The following RAP1A variants were observed in gnomAD, a reference collection of about 807,000 sequenced individuals.
RAP1A encodes RAP1A, member of RAS oncogene family, also known as ras-related protein Rap-1A.
RAP1A carries 6 observed loss-of-function variants against 26.4 expected under a neutral mutation model. That is an observed-to-expected ratio of 0.23 (90% CI 0.12 to 0.45). RAP1A has a LOEUF of 0.45. Ranked by LOEUF, RAP1A falls within the 20% of genes least tolerant of loss-of-function variation. The pLI is 0.99. For synonymous variants in RAP1A, 73 were observed against 79.4 expected, an observed-to-expected ratio of 0.92 and a Z score of 0.43; for missense variants, 121 against 217.2, an observed-to-expected ratio of 0.56 and a Z score of 2.78.
intron 1 of RAP1A, among the ~76,000 whole-genome samples, chr1:111,639,756 G>T (rs1240029202): frequency 6.6e-6 from 1 of 152,150 alleles, no homozygotes; most frequent in Non-Finnish European, 1.5e-5. Flanking sequence ...CAGGACTGTT[G>T]TCTGACACTA....
At position 111,543,849 on chromosome 1, in the gene RAP1A, A is replaced by G. The variant is rs1469702915; in HGVS notation, c.-28+1340A>G. 4.6e-5 allele frequency among the ~76,000 whole-genome samples: 7 copies of G among 152,246 alleles called. No individual in the cohort carries two copies. In the East Asian group the frequency reaches 9.7e-4, roughly 21 times the overall value. ...CAGGGTGGGCCATTTTGAAGTTGGT[A>G]AGGGTTTATTTTAAAGGATTGGGCC... On this transcript the variant is annotated intron_variant, in intron 1 of 7. Transcript: ENST00000356415.
chr1:111,633,797 G>GT (rs969461222), intron 1 of RAP1A, among the ~76,000 whole-genome samples: 3 of 152,212 alleles, frequency 2.0e-5, no homozygotes, highest in Non-Finnish European at 4.4e-5. Flanking sequence ...AAAATCTGCA[G>GT]TAGAAACCAT....
chr1:111,615,933 A>G (rs990147964), upstream of RAP1A, among the ~76,000 whole-genome samples: 4 of 152,194 alleles, frequency 2.6e-5, no homozygotes, highest in African/African-American at 9.7e-5. Context: ...GCAGATAAAG[A>G]ACATTTCCAT....
At chr1:111,585,000 G>A (rs1458580833) in intron 1 of RAP1A, among the ~76,000 whole-genome samples, 2 of 152,126 alleles carry the variant, frequency 1.3e-5, no homozygotes. Flanking sequence ...CTAATATTAG[G>A]AGCCGCAGAT....
At chr1:111,639,565 A>G (rs893381740) in intron 1 of RAP1A, among the ~76,000 whole-genome samples, 1 of 103,580 alleles carries the variant, frequency 9.7e-6, no homozygotes, top group Admixed American at 9.6e-5. Flanking sequence ...TACATTATGA[A>G]CTTTTTTTTT....
At chr1:111,574,623 T>G (rs1292841633) in intron 1 of RAP1A, among the ~76,000 whole-genome samples, 1 of 152,244 alleles carries the variant, frequency 6.6e-6, no homozygotes, top group Non-Finnish European at 1.5e-5. Context: ...GTGTTATGTC[T>G]GATTTCTTTG....
intron 4 of RAP1A, among the ~76,000 whole-genome samples, chr1:111,701,289 T>C (rs1325878927): frequency 6.6e-6 from 1 of 152,192 alleles, no homozygotes; most frequent in African/African-American, 2.4e-5. Context: ...GCATTTGCTC[T>C]TTCCTGTGCT....
chr1:111,582,744 A>C (rs1356059304), intron 1 of RAP1A, among the ~76,000 whole-genome samples: 1 of 152,206 alleles, frequency 6.6e-6, no homozygotes, highest in African/African-American at 2.4e-5. Context: ...AAAAAATTAA[A>C]AGTACTCAGT....
intron 1 of RAP1A, among the ~76,000 whole-genome samples, chr1:111,600,499 T>C (rs1462316135): frequency 6.6e-6 from 1 of 152,258 alleles, no homozygotes; most frequent in African/African-American, 2.4e-5. Flanking sequence ...GCAGCAAGGC[T>C]GTTTGTCTTC....
chr1:111,543,208 T>G (rs1656908323), intron 1 of RAP1A, among the ~76,000 whole-genome samples: 1 of 152,184 alleles, frequency 6.6e-6, no homozygotes, highest in African/African-American at 2.4e-5. Context: ...TTTTCACTGA[T>G]GAAAGATCAA....
At chr1:111,636,995 C>T (rs554996852) in intron 1 of RAP1A, among the ~76,000 whole-genome samples, 3 of 152,144 alleles carry the variant, frequency 2.0e-5, no homozygotes, top group Admixed American at 6.5e-5. Flanking sequence ...TCCGGTATAC[C>T]TCATAACCTT....
chr1:111,593,076 G>GT (rs2101067270), intron 1 of RAP1A, among the ~76,000 whole-genome samples: 1 of 152,240 alleles, frequency 6.6e-6, no homozygotes, highest in Non-Finnish European at 1.5e-5. Flanking sequence ...GAGCAGCTGA[G>GT]TGGGTGGAGG....
At chr1:111,711,367 GT>G (rs1662380605) in intron 7 of RAP1A, among the ~76,000 whole-genome samples, 2 of 152,114 alleles carry the variant, frequency 1.3e-5, no homozygotes, top group South Asian at 4.1e-4. Flanking sequence ...TTTAGCTTAT[GT>G]TAAAGGAAAA....
At chr1:111,670,880 G>T (rs996086971) in intron 1 of RAP1A, among the ~76,000 whole-genome samples, 1 of 152,190 alleles carries the variant, frequency 6.6e-6, no homozygotes, top group African/African-American at 2.4e-5. Flanking sequence ...AAGACGACTT[G>T]TCAAACTTGC....
At chr1:111,568,301 C>G (rs188222650) in intron 1 of RAP1A, among the ~76,000 whole-genome samples, 1 of 152,162 alleles carries the variant, frequency 6.6e-6, no homozygotes, top group Non-Finnish European at 1.5e-5. Flanking sequence ...TCTAGTGAGG[C>G]CTCAGGGAGC....
chr1:111,713,761 G>T lies in RAP1A; in HGVS notation c.*1360G>T, dbSNP rs140420279. Reference sequence around the variant, plus strand: ...CCCAGTTATTTTCCTCTTTACAAAAGATAGGGCTTAAGTAAGACATGGACC... The same window carrying T: ...CCCAGTTATTTTCCTCTTTACAAAATATAGGGCTTAAGTAAGACATGGACC... On this transcript the variant is annotated 3_prime_UTR_variant, in exon 8 of 8. Transcript: ENST00000369709. 1.3e-5 allele frequency: 2 copies of T among 152,304 alleles called. No individual in the cohort carries two copies. Among genetic ancestry groups the T allele is most frequent in the Non-Finnish European group, 2.9e-5 (2 of 68,018 alleles). The allele number at this position is 152,304 out of a possible 1,614,324, so 9.4% of individuals were successfully genotyped here. A position where few individuals can be genotyped will look rare whatever the true frequency, so the allele number is the denominator to read the frequency against.
intron 1 of RAP1A, among the ~76,000 whole-genome samples, chr1:111,571,554 G>A (rs541892136): frequency 1.3e-5 from 2 of 152,230 alleles, no homozygotes; most frequent in South Asian, 4.2e-4. Flanking sequence ...AAGTTCCAAG[G>A]GTTTTAGGAA....
chr1:111,669,026 G>GAAAAA (rs58557062), intron 1 of RAP1A, among the ~76,000 whole-genome samples: 6 of 19,602 alleles, frequency 3.1e-4, no homozygotes, highest in African/African-American at 5.7e-4. Context: ...CCTATCTCAA[G>GAAAAA]AAAAAAAAAA....
rs183588820 is a variant in RAP1A at position 111,640,821 on chromosome 1, G to C, written c.-28+20887G>C. On this transcript the variant is annotated intron_variant, in intron 1 of 7. Coordinates refer to ENST00000369709, the MANE Select transcript of RAP1A (RefSeq NM_002884.4). ...CAAAAATTAAAACAAAAAATTAGCA[G>C]GGTGTGGTGGTGCATACCTATAATC... Among the ~76,000 whole-genome samples, 11 of 152,182 alleles carry C rather than the reference G, an allele frequency of 7.2e-5. No individual in the cohort carries two copies. The South Asian group carries it at 1.2e-3, about 17-fold the overall frequency.
Sources: allele counts gnomAD v4.1 joint callset (sites outside exome capture counted in the v4.1 genomes callset), GRCh38; gene constraint gnomAD v4.1.1; transcripts MANE v1.5; gene names NCBI Gene and HGNC (gene_info 2026-07-23, HGNC 2026-07-21).